ZNG1E: variants seen among roughly 807,000 people sequenced by gnomAD.
The protein encoded by ZNG1E is zinc-regulated GTPase metalloprotein activator 1E.
the ZNG1E span, among the ~76,000 whole-genome samples, chr9:65,685,063 A>C: frequency 6.7e-6 from 1 of 148,162 alleles, no homozygotes; most frequent in South Asian, 2.2e-4. Flanking sequence ...AAAAAAAAAA[A>C]AAAAAAGCTG....
chr9:65,657,194 T>C, the ZNG1E span, among the ~76,000 whole-genome samples: 1 of 152,192 alleles, frequency 6.6e-6, no homozygotes, highest in African/African-American at 2.4e-5. Flanking sequence ...AACCATCATA[T>C]AATTCAACAA....
the ZNG1E span, among the ~76,000 whole-genome samples, chr9:65,672,199 T>C: frequency 1.3e-5 from 2 of 151,094 alleles, no homozygotes; most frequent in Non-Finnish European, 2.9e-5. Flanking sequence ...GAGAGTTAAA[T>C]GGGATAATGC....
the ZNG1E span, chr9:65,732,922 T>C: frequency 5.0e-6 from 8 of 1,607,842 alleles, no homozygotes; most frequent in East Asian, 2.2e-5. Context: ...TCCATTAACA[T>C]TGATGCTCTA....
At chr9:65,659,012 A>T in the ZNG1E span, among the ~76,000 whole-genome samples, 1 of 152,080 alleles carries the variant, frequency 6.6e-6, no homozygotes, top group African/African-American at 2.4e-5. Flanking sequence ...CACTGAGTGA[A>T]TTTTGGTGGA....
the ZNG1E span, among the ~76,000 whole-genome samples, chr9:65,681,412 G>C: frequency 2.0e-5 from 3 of 152,382 alleles, no homozygotes; most frequent in South Asian, 6.2e-4. Flanking sequence ...ATAATGTAGT[G>C]TACTGTAATT....
the ZNG1E span, among the ~76,000 whole-genome samples, chr9:65,657,469 C>CA: frequency 4.6e-5 from 7 of 152,348 alleles, no homozygotes; most frequent in South Asian, 1.2e-3. Flanking sequence ...AAGCCAGGCC[C>CA]AAAAAAACAA....
the ZNG1E span, among the ~76,000 whole-genome samples, chr9:65,677,934 A>G: frequency 1.3e-5 from 2 of 150,128 alleles, no homozygotes; most frequent in East Asian, 3.9e-4. Flanking sequence ...CCTGAGACAT[A>G]ATTGCCTCCT....
chr9:65,672,616 T>C, the ZNG1E span, among the ~76,000 whole-genome samples: 1 of 151,562 alleles, frequency 6.6e-6, no homozygotes, highest in South Asian at 2.1e-4. Flanking sequence ...TGGTGGTGCA[T>C]ACCTGTAATC....
chr9:65,666,905 C>A, the ZNG1E span, among the ~76,000 whole-genome samples: 1 of 152,252 alleles, frequency 6.6e-6, no homozygotes, highest in Admixed American at 6.5e-5. Context: ...ACTGCAACCT[C>A]CATCTCCTAG....
chr9:65,661,867 A>T, the ZNG1E span, among the ~76,000 whole-genome samples: 1 of 152,262 alleles, frequency 6.6e-6, no homozygotes, highest in Non-Finnish European at 1.5e-5. Flanking sequence ...ATTAAAACTC[A>T]TTGAGTTGTA....
At chr9:65,727,233 C>CT in the ZNG1E span, among the ~76,000 whole-genome samples, 2 of 145,624 alleles carry the variant, frequency 1.4e-5, no homozygotes, top group Admixed American at 1.4e-4. Context: ...AAAAGGAACT[C>CT]TAAATCTTGA....
At chr9:65,728,582 T>TATG in the ZNG1E span, among the ~76,000 whole-genome samples, 1 of 148,594 alleles carries the variant, frequency 6.7e-6, no homozygotes, top group Non-Finnish European at 1.5e-5. Flanking sequence ...TCAAGGCTAC[T>TATG]ATGAACACCT....
the ZNG1E span, among the ~76,000 whole-genome samples, chr9:65,717,662 A>G: frequency 6.7e-6 from 1 of 149,166 alleles, no homozygotes; most frequent in Non-Finnish European, 1.5e-5. Context: ...AAATGAAACA[A>G]TGCTGCATGA....
At chr9:65,672,601 G>C in the ZNG1E span, among the ~76,000 whole-genome samples, 35 of 151,774 alleles carry the variant, frequency 2.3e-4, no homozygotes, top group East Asian at 6.1e-3. Flanking sequence ...AAAATTAGCT[G>C]GGCGTGGTGG....
chr9:65,684,337 GA>G, the ZNG1E span, among the ~76,000 whole-genome samples: 1 of 150,552 alleles, frequency 6.6e-6, no homozygotes, highest in East Asian at 1.9e-4. Context: ...AGGAGTTCAA[GA>G]CCAGCCTAGC....
chr9:65,682,423 T>A, the ZNG1E span: 1 of 214,704 alleles, frequency 4.7e-6, no homozygotes, highest in Non-Finnish European at 9.4e-6. Context: ...TATATTAAAC[T>A]ACTATAGTTA....
chr9:65,716,590 G>GGT, the ZNG1E span, among the ~76,000 whole-genome samples: 1 of 149,464 alleles, frequency 6.7e-6, no homozygotes, highest in Non-Finnish European at 1.5e-5. Flanking sequence ...TAACCTGTGA[G>GGT]GTAGGACATG....
the ZNG1E span, among the ~76,000 whole-genome samples, chr9:65,730,185 TA>T: frequency 0.014 from 1,765 of 122,848 alleles, 146 homozygotes; most frequent in African/African-American, 0.057. Context: ...TCCTCAGCCA[TA>T]AAAAGGAGTG....
the ZNG1E span, among the ~76,000 whole-genome samples, chr9:65,685,539 T>C: frequency 6.6e-6 from 1 of 151,626 alleles, no homozygotes; most frequent in African/African-American, 2.4e-5. Context: ...ACCACGTTCT[T>C]TTCCCGTCCA....
Sources: allele counts gnomAD v4.1 joint callset (sites outside exome capture counted in the v4.1 genomes callset), GRCh38; gene constraint gnomAD v4.1.1; transcripts MANE v1.5; gene names NCBI Gene and HGNC (gene_info 2026-07-23, HGNC 2026-07-21).